TBC1D24: variants seen among roughly 807,000 people sequenced by gnomAD.
TBC1D24 encodes TBC1 domain family member 24.
Under a neutral mutation model 50.7 loss-of-function variants are expected in TBC1D24, and 47 were observed. The observed-to-expected ratio is 0.93, with a 90% CI of 0.73 to 1.18. The LOEUF (loss-of-function observed/expected upper bound fraction) is 1.18, where lower values mean the gene tolerates loss of function less well. Ranked by LOEUF, TBC1D24 falls within the 50% of genes most tolerant of loss-of-function variation. The pLI, the probability that TBC1D24 is intolerant of heterozygous loss-of-function variation, is 0.00. For synonymous variants in TBC1D24, 324 were observed against 335.2 expected, an observed-to-expected ratio of 0.97 and a Z score of 0.36; for missense variants, 688 against 766.5, an observed-to-expected ratio of 0.90 and a Z score of 1.21.
rs1825644484 is a variant in TBC1D24 at position 2,499,579 on chromosome 16, A to G, written c.1206+159A>G. 6.6e-6 allele frequency among the ~76,000 whole-genome samples: 1 copy of G among 152,014 alleles called. No homozygotes were observed. Among genetic ancestry groups the G allele is most frequent in the African/African-American group, 2.4e-5 (1 of 41,378 alleles). On this transcript the variant is annotated intron_variant, in intron 5 of 7. Transcript: ENST00000646147. This position sits in a 1 kb window ranked among gnomAD's most constrained non-coding sequence, Gnocchi z 4.0. ...GGCCAGCACATGGGGCTCATCCCACACTCAGGGCCACAAGGGGAAATGAGA... is the reference window on the plus strand; with the variant it reads ...GGCCAGCACATGGGGCTCATCCCACGCTCAGGGCCACAAGGGGAAATGAGA...
intron 1 of TBC1D24, chr16:2,478,290 T>C (rs2065584278): frequency 6.6e-6 from 1 of 152,178 alleles, no homozygotes; most frequent in Admixed American, 6.5e-5. Context: ...CACTCCACCC[T>C]GGTCAACTCT....
At chr16:2,493,180 C>T (rs925299345) in intron 1 of TBC1D24, among the ~76,000 whole-genome samples, 1 of 151,672 alleles carries the variant, frequency 6.6e-6, no homozygotes, top group Non-Finnish European at 1.5e-5. Flanking sequence ...GCTCTGTCGC[C>T]TGGGCTGGAG....
At position 2,500,719 on chromosome 16, in the gene TBC1D24, G is replaced by A; in HGVS notation, c.1526-85G>A. 1 of 1,512,678 alleles carries A rather than the reference G, an allele frequency of 6.6e-7. No individual in the cohort carries two copies. The highest frequency in any genetic ancestry group is 8.8e-7 in the Non-Finnish European group (1 of 1,130,154). 93.7% of individuals were successfully genotyped at this position (1,512,678 alleles called of 1,614,324 possible). ...TGCGGTTTCAGAGAGGCCCGTGCAG[G>A]GCAGGACAGCTGGGACAGCAGGTGA... On this transcript the variant is annotated intron_variant, in intron 7 of 7. Transcript: ENST00000646147. This position sits in a 1 kb window ranked among gnomAD's most constrained non-coding sequence, Gnocchi z 8.0.
In TBC1D24 at chr16:2,502,211, G is replaced by A. The variant is rs932984127; in HGVS notation, c.*1253G>A. ...CCCTGCGCTGGCCAGACGCAGGTAG[G>A]TGCCAGGGGAGGCCTTGCCTCTGGG... On this transcript the variant is annotated 3_prime_UTR_variant, in exon 8 of 8. Transcript: ENST00000646147. 4 of 152,374 alleles carry A rather than the reference G, an allele frequency of 2.6e-5. No individual in the cohort carries two copies. The highest frequency in any genetic ancestry group is 4.4e-5 in the Non-Finnish European group (3 of 68,140). The allele number at this position is 152,374 out of a possible 1,614,324, so 9.4% of individuals were successfully genotyped here.
At position 2,486,290 on chromosome 16, in the gene TBC1D24, C is replaced by T. The variant is rs1481651450; in HGVS notation, c.-115-9744C>T. Among the ~76,000 whole-genome samples, 3 of 152,248 alleles carry T rather than the reference C, an allele frequency of 2.0e-5. No homozygotes were observed. Among genetic ancestry groups the T allele is most frequent in the South Asian group, 2.1e-4 (1 of 4,832 alleles). On this transcript the variant is annotated intron_variant, in intron 1 of 7. Coordinates refer to ENST00000646147, the MANE Select transcript of TBC1D24 (RefSeq NM_001199107.2). This position sits in a 1 kb window ranked among gnomAD's most constrained non-coding sequence, Gnocchi z 5.8. Reference sequence around the variant, plus strand: ...GCTGCGGGCGTTGGCGTTCCCCACCCATGGGGCCCGGCCTCATTTCCTCTT... The same window carrying T: ...GCTGCGGGCGTTGGCGTTCCCCACCTATGGGGCCCGGCCTCATTTCCTCTT...
Position 2,505,477 on chromosome 16 carries a change from A to G in TBC1D24, c.*4519A>G, listed in dbSNP as rs2065827759. ...TTGGTCAAATGCTTATGAGCTAAGG[A>G]TAGAAGGGAAAAAATAGTTGTGTGA... On this transcript the variant is annotated 3_prime_UTR_variant, in exon 8 of 8. Transcript: ENST00000646147. 6.6e-6 allele frequency: 1 copy of G among 152,210 alleles called. No homozygotes were observed. The highest frequency in any genetic ancestry group is 2.4e-5 in the African/African-American group (1 of 41,438). 9.4% of individuals were successfully genotyped at this position (152,210 alleles called of 1,614,324 possible).
At position 2,496,293 on chromosome 16, in the gene TBC1D24, G is replaced by A. The variant is rs758665573; in HGVS notation, c.145G>A (p.Ala49Thr). ...ARQGYWAQSH[A>T]LRGKVYQRLI... ...CCAGGGCTACTGGGCCCAAAGCCACGCCCTGCGGGGAAAGGTGTACCAGCG... is the reference window on the plus strand; with the variant it reads ...CCAGGGCTACTGGGCCCAAAGCCACACCCTGCGGGGAAAGGTGTACCAGCG... Residue 49 changes from alanine to threonine, a missense_variant, in exon 2 of 8, where the codon GCC becomes ACC. Physicochemically the swap from Ala to Thr is moderately conservative, Grantham distance 58 (BLOSUM62 0). Transcript: ENST00000646147. 30 of 1,613,722 alleles carry A rather than the reference G, an allele frequency of 1.9e-5. No homozygotes were observed. The highest frequency in any genetic ancestry group is 8.0e-5 in the African/African-American group (6 of 75,078).
At chr16:2,498,939 C>G (rs1427172074) in intron 4 of TBC1D24, among the ~76,000 whole-genome samples, 1 of 152,266 alleles carries the variant, frequency 6.6e-6, no homozygotes, top group Admixed American at 6.5e-5. Flanking sequence ...CATTTTGGCA[C>G]AGCTGGAGCC....
Position 2,500,632 on chromosome 16 carries a change from G to T in TBC1D24, c.1525+142G>T. 1.6e-6 allele frequency: 2 copies of T among 1,288,448 alleles called. No individual in the cohort carries two copies. Among genetic ancestry groups the T allele is most frequent in the Non-Finnish European group, 2.1e-6 (2 of 946,026 alleles). The allele number at this position is 1,288,448 out of a possible 1,614,324, so 79.8% of individuals were successfully genotyped here. A position where few individuals can be genotyped will look rare whatever the true frequency, so the allele number is the denominator to read the frequency against. The stretch of plus-strand genomic sequence containing the variant: ...GACCAGGCATGATGGGTGGGAGGGG[G>T]CTGGAAGGGAGAGACCAGCCTGGAC... On this transcript the variant is annotated intron_variant, in intron 7 of 7. Transcript: ENST00000646147. This position sits in a 1 kb window ranked among gnomAD's most constrained non-coding sequence, Gnocchi z 8.0.
chr16:2,500,955 G>A lies in TBC1D24; in HGVS notation c.1677G>A (p.Gln559=), dbSNP rs2065788868. Reference sequence around the variant, plus strand: ...GGGGCTTCCAGGACCCTGACACCCAGTGACGGCCTGTGCCACGGTGACTGA... The same window carrying A: ...GGGGCTTCCAGGACCCTGACACCCAATGACGGCCTGTGCCACGGTGACTGA... ...EAWGFQDPDT[Q] Residue 559 remains glutamine, a synonymous_variant, in exon 8 of 8, where the codon CAG becomes CAA. Coordinates refer to ENST00000646147, the MANE Select transcript of TBC1D24 (RefSeq NM_001199107.2). This position sits in a 1 kb window ranked among gnomAD's most constrained non-coding sequence, Gnocchi z 8.0. 3 of 1,610,064 alleles carry A rather than the reference G, an allele frequency of 1.9e-6. No individual in the cohort carries two copies. The highest frequency in any genetic ancestry group is 2.5e-6 in the Non-Finnish European group (3 of 1,179,896).
chr16:2,490,721 T>G (rs575529998), intron 1 of TBC1D24, among the ~76,000 whole-genome samples: 63 of 152,332 alleles, frequency 4.1e-4, no homozygotes, highest in African/African-American at 1.4e-3. Flanking sequence ...TTAGGGAAGA[T>G]GCACGGCTTG....
In TBC1D24 at chr16:2,499,927, T is replaced by C. The variant is rs1481341870; in HGVS notation, c.1299T>C (p.Phe433=). 6.2e-7 allele frequency: 1 copy of C among 1,613,890 alleles called. No homozygotes were observed. The highest frequency in any genetic ancestry group is 2.2e-5 in the East Asian group (1 of 44,862). The change falls in exon 6 of 8, where the codon TTT becomes TTC. Residue 433 remains phenylalanine, a synonymous_variant. Transcript: ENST00000646147. The surrounding 1 kb of genome is among the most constrained non-coding windows in gnomAD (Gnocchi z 4.0). ...TTGGGACCGGAGAATGCTTTGTGTT[T>C]AGGGTGAGTGGGGCCAAGTGTCCCC... The part of the protein sequence containing the change: ...GFFGTGECFV[F]RLQPEVQRYE...
intron 1 of TBC1D24, chr16:2,484,394 C>T (rs1267264611): frequency 6.6e-6 from 1 of 152,446 alleles, no homozygotes; most frequent in Non-Finnish European, 1.5e-5. Context: ...TGCAGATCCT[C>T]CCCCTGCCAC....
chr16:2,501,218 G>A lies in TBC1D24; in HGVS notation c.*260G>A. 1.8e-6 allele frequency: 1 copy of A among 565,908 alleles called. No individual in the cohort carries two copies. Among genetic ancestry groups the A allele is most frequent in the Middle Eastern group, 4.8e-4 (1 of 2,090 alleles). The allele number at this position is 565,908 out of a possible 1,614,324, so 35.1% of individuals were successfully genotyped here. ...CCAGCCCCACCCAGAGCTGGCATAG[G>A]AAGTACCTTCCTCCTCCGTGGAGGC... On this transcript the variant is annotated 3_prime_UTR_variant, in exon 8 of 8. Transcript: ENST00000646147.
In TBC1D24 at chr16:2,496,816, G is replaced by C. The variant is rs1446011292; in HGVS notation, c.668G>C (p.Cys223Ser). The change falls in exon 2 of 8, where the codon TGC becomes TCC. Residue 223 changes from cysteine to serine, a missense_variant. Physicochemically the swap from Cys to Ser is moderately radical, Grantham distance 112. Transcript: ENST00000646147. ...TGGCTGTTTGGGGAGCTGCCCCTCT[G>C]CTACTTCGCCCGGGTCTTTGACGTC... ...QRWLFGELPLCYFARVFDVFL... is the reference protein window; with the variant it reads ...QRWLFGELPLSYFARVFDVFL... 6.2e-7 allele frequency: 1 copy of C among 1,614,034 alleles called. No homozygotes were observed. The highest frequency in any genetic ancestry group is 2.2e-5 in the East Asian group (1 of 44,888).
chr16:2,493,539 C>T (rs2041578465), intron 1 of TBC1D24: 1 of 152,208 alleles, frequency 6.6e-6, no homozygotes, highest in African/African-American at 2.4e-5. Context: ...ACGTTTTACA[C>T]TATGATTTTT....
Position 2,503,735 on chromosome 16 carries a change from T to C in TBC1D24, c.*2777T>C, listed in dbSNP as rs1161981623. The C allele has an allele frequency of 6.6e-6, 1 of 152,076 alleles. No homozygotes were observed. Among genetic ancestry groups the C allele is most frequent in the Non-Finnish European group, 1.5e-5 (1 of 68,022 alleles). The allele number at this position is 152,076 out of a possible 1,614,324, so 9.4% of individuals were successfully genotyped here. A position where few individuals can be genotyped will look rare whatever the true frequency, so the allele number is the denominator to read the frequency against. On this transcript the variant is annotated 3_prime_UTR_variant, in exon 8 of 8. Transcript: ENST00000646147. ...CACGCCCAGCTAAATTTTTTTTGTA[T>C]TTTTAGTAGAGGCAGGGTTTCACTG...
Position 2,495,918 on chromosome 16 carries a change from A to T in TBC1D24, c.-115-116A>T, listed in dbSNP as rs907583521. 7.4e-6 allele frequency: 4 copies of T among 537,188 alleles called. No homozygotes were observed. In the African/African-American group the frequency reaches 7.7e-5, roughly 10 times the overall value. The allele number at this position is 537,188 out of a possible 1,614,324, so 33.3% of individuals were successfully genotyped here. A position where few individuals can be genotyped will look rare whatever the true frequency, so the allele number is the denominator to read the frequency against. Reference sequence around the variant, plus strand: ...ACTGCACCGCACTCCAACCTGGGCAACAGAGCGAGACCCTGTCTCAAAAGA... The same window carrying T: ...ACTGCACCGCACTCCAACCTGGGCATCAGAGCGAGACCCTGTCTCAAAAGA... On this transcript the variant is annotated intron_variant, in intron 1 of 7. Coordinates refer to ENST00000646147, the MANE Select transcript of TBC1D24 (RefSeq NM_001199107.2).
In TBC1D24 at chr16:2,499,978, G is replaced by A. The variant is rs1485207202; in HGVS notation, c.1302+48G>A. 4 of 1,557,752 alleles carry A rather than the reference G, an allele frequency of 2.6e-6. No homozygotes were observed. Among genetic ancestry groups the A allele is most frequent in the Admixed American group, 3.3e-5 (2 of 59,930 alleles). On this transcript the variant is annotated intron_variant, in intron 6 of 7. Coordinates refer to ENST00000646147, the MANE Select transcript of TBC1D24 (RefSeq NM_001199107.2). This position sits in a 1 kb window ranked among gnomAD's most constrained non-coding sequence, Gnocchi z 4.0. Reference sequence around the variant, plus strand: ...AAACCCCCACGCAGACCCTGTAGCTGCATCCCTCCAGGAGCACCCGCCTGC... The same window carrying A: ...AAACCCCCACGCAGACCCTGTAGCTACATCCCTCCAGGAGCACCCGCCTGC...
Sources: gnomAD v4.1 joint callset for allele counts (sites outside exome capture counted in the v4.1 genomes callset) on GRCh38, gnomAD v4.1.1 for gene constraint, Gnocchi (gnomAD v3.1) non-coding constraint, MANE v1.5 for transcripts, NCBI Gene and HGNC (gene_info 2026-07-23, HGNC 2026-07-21) for gene names.